Variants in EDARADD observed in about 807,000 individuals in gnomAD.
EDARADD encodes the protein EDAR associated via death domain.
EDARADD carries 20 observed loss-of-function variants against 25.6 expected under a neutral mutation model. The observed-to-expected ratio is 0.78, with a 90% CI of 0.55 to 1.14. The LOEUF (loss-of-function observed/expected upper bound fraction) is 1.14, where lower values mean the gene tolerates loss of function less well. Among genes scored for constraint, EDARADD ranks in the 50% most tolerant of loss-of-function variants. The pLI is 0.00. For synonymous variants in EDARADD, 86 were observed against 94.4 expected, an observed-to-expected ratio of 0.91 and a Z score of 0.52; for missense variants, 225 against 270.1, an observed-to-expected ratio of 0.83 and a Z score of 1.17.
intron 5 of EDARADD, among the ~76,000 whole-genome samples, chr1:236,469,753 C>T (rs2103036403): frequency 6.6e-6 from 1 of 151,878 alleles, no homozygotes; most frequent in South Asian, 2.1e-4. Flanking sequence ...CAACAGTTCT[C>T]TCTGGAAGGT....
At chr1:236,439,509 A>G (rs1658346938) in intron 4 of EDARADD, among the ~76,000 whole-genome samples, 1 of 152,172 alleles carries the variant, frequency 6.6e-6, no homozygotes, top group Admixed American at 6.5e-5. Context: ...CCTTGTCAGC[A>G]TTTGGTATTG....
chr1:236,382,254 T>C (rs937236699), intron 3 of EDARADD, among the ~76,000 whole-genome samples: 1 of 152,212 alleles, frequency 6.6e-6, no homozygotes, highest in African/African-American at 2.4e-5. Flanking sequence ...TATTTTCTTC[T>C]GCAATATCTT....
chr1:236,479,598 G>A (rs958527243), intron 5 of EDARADD, among the ~76,000 whole-genome samples: 1 of 147,444 alleles, frequency 6.8e-6, no homozygotes, highest in African/African-American at 2.5e-5. Context: ...TTTTTTTGCT[G>A]TATCTGTCCA....
chr1:236,375,137 C>T (rs564394387), intron 3 of EDARADD, among the ~76,000 whole-genome samples: 270 of 152,096 alleles, frequency 1.8e-3, no homozygotes, highest in South Asian at 4.4e-3. Flanking sequence ...ACAGCTAATA[C>T]AAATCCACTT....
intron 5 of EDARADD, among the ~76,000 whole-genome samples, chr1:236,481,151 GT>G (rs1451411737): frequency 1.3e-5 from 2 of 152,150 alleles, no homozygotes; most frequent in African/African-American, 4.8e-5. Flanking sequence ...TTTCATGTCT[GT>G]GTTGTTGTTT....
Position 236,395,527 on chromosome 1 carries a change from G to A in EDARADD, c.61+1022G>A. ...CAGAGCCACGGTTTGCTCCAGGCGC[G>A]TCGGAACCGCAGGACTTTTCATCCC... is the stretch of plus-strand genomic sequence containing the variant. On this transcript the variant is annotated intron_variant, in intron 1 of 5. Coordinates refer to ENST00000334232, the MANE Select transcript of EDARADD (RefSeq NM_145861.4). The surrounding 1 kb of genome is among the most constrained non-coding windows in gnomAD (Gnocchi z 6.9). 1 of 1,535,422 alleles carries A rather than the reference G, an allele frequency of 6.5e-7. No homozygotes were observed. Among genetic ancestry groups the A allele is most frequent in the South Asian group, 1.2e-5 (1 of 83,768 alleles).
chr1:236,452,429 C>T (rs898823378), intron 4 of EDARADD, among the ~76,000 whole-genome samples: 5 of 152,064 alleles, frequency 3.3e-5, no homozygotes, highest in African/African-American at 4.8e-5. Flanking sequence ...GGTGGTTATC[C>T]CCATGCTGTT....
intron 4 of EDARADD, among the ~76,000 whole-genome samples, chr1:236,428,874 C>T (rs1658010810): frequency 6.6e-6 from 1 of 152,088 alleles, no homozygotes; most frequent in Non-Finnish European, 1.5e-5. Context: ...GAGACTCTGT[C>T]TGCAATCCCG....
At chr1:236,409,166 T>C (rs1009732221) in intron 1 of EDARADD, 50 bp from the exon 2 acceptor site, 3 of 1,477,824 alleles carry the variant, frequency 2.0e-6, no homozygotes, top group Non-Finnish European at 2.8e-6. Flanking sequence ...ATTTGTGGTT[T>C]TAAATTAAAG....
chr1:236,402,982 G>GTCTTCTTTT (rs1667641895), intron 1 of EDARADD, among the ~76,000 whole-genome samples: 1 of 152,040 alleles, frequency 6.6e-6, no homozygotes, highest in Admixed American at 6.6e-5. Context: ...TTGAGACAGA[G>GTCTTCTTTT]TCTTGCTCTG....
intron 1 of EDARADD, among the ~76,000 whole-genome samples, chr1:236,397,413 T>TAA (rs1388636005): frequency 6.6e-6 from 1 of 151,612 alleles, no homozygotes; most frequent in African/African-American, 2.4e-5. Flanking sequence ...AATAAATAAA[T>TAA]AAATAAATAA....
At chr1:236,366,020 C>T (rs1667109308) in intron 3 of EDARADD, among the ~76,000 whole-genome samples, 1 of 152,166 alleles carries the variant, frequency 6.6e-6, no homozygotes. Context: ...ACATGAAATG[C>T]AATTTTGATA....
intron 4 of EDARADD, among the ~76,000 whole-genome samples, chr1:236,464,802 C>T (rs1571952200): frequency 1.3e-5 from 2 of 152,274 alleles, no homozygotes; most frequent in African/African-American, 4.8e-5. Flanking sequence ...CTCTGCTGTC[C>T]TTTCGTTCCT....
chr1:236,413,413 T>TTC (rs988805178), intron 2 of EDARADD, among the ~76,000 whole-genome samples: 1 of 152,192 alleles, frequency 6.6e-6, no homozygotes, highest in African/African-American at 2.4e-5. Context: ...CTCCATTTCT[T>TTC]TCTCTCTCTC....
At chr1:236,351,233 T>A (rs1174644874) in intron 3 of EDARADD, among the ~76,000 whole-genome samples, 1 of 152,180 alleles carries the variant, frequency 6.6e-6, no homozygotes, top group Non-Finnish European at 1.5e-5. Context: ...GGAAGCAATC[T>A]CAAGCTTGGC....
intron 3 of EDARADD, among the ~76,000 whole-genome samples, chr1:236,425,972 TTTTTTTTTA>T (rs545818030): frequency 3.6e-4 from 55 of 151,082 alleles, no homozygotes; most frequent in African/African-American, 1.3e-3. Flanking sequence ...TTTCTTATCT[TTTTTTTTTA>T]TTTTTTTATT....
chr1:236,427,124 C>T (rs530361483), intron 3 of EDARADD, among the ~76,000 whole-genome samples: 17 of 152,212 alleles, frequency 1.1e-4, no homozygotes, highest in Middle Eastern at 3.4e-3. Flanking sequence ...TCAGGTGATC[C>T]GCCTGCCCCT....
intron 3 of EDARADD, among the ~76,000 whole-genome samples, chr1:236,417,856 C>T (rs1445701304): frequency 2.6e-5 from 4 of 151,798 alleles, no homozygotes; most frequent in Non-Finnish European, 4.4e-5. Context: ...CATTTTCTCT[C>T]GTGTCCCTGC....
rs543823762 is a variant in EDARADD at position 236,428,741 on chromosome 1, G to A, written c.219+1291G>A. Among the ~76,000 whole-genome samples the A allele has an allele frequency of 1.8e-3, 262 of 148,420 alleles. 2 individuals are homozygous for A. The highest frequency in any genetic ancestry group is 5.8e-3 in the African/African-American group (237 of 41,172). ...TCACTTCCCAGACGGGGTGGCGGCC[G>A]GGCAGAGGCTGCAATCTCGGCACTT... On this transcript the variant is annotated intron_variant, in intron 4 of 5. Transcript: ENST00000334232.
Sources: gnomAD v4.1 joint callset for allele counts (sites outside exome capture counted in the v4.1 genomes callset) on GRCh38, gnomAD v4.1.1 for gene constraint, Gnocchi (gnomAD v3.1) non-coding constraint, MANE v1.5 for transcripts, NCBI Gene and HGNC (gene_info 2026-07-23, HGNC 2026-07-21) for gene names.